RAD51B: variants seen among roughly 807,000 people sequenced by gnomAD.
RAD51B encodes the protein RAD51 paralog B.
Under a neutral mutation model 42.2 loss-of-function variants are expected in RAD51B, and 38 were observed. That is an observed-to-expected ratio of 0.90 (90% confidence interval 0.70 to 1.18). RAD51B has a LOEUF of 1.18. Ranked by LOEUF, RAD51B falls within the 50% of genes most tolerant of loss-of-function variation. The pLI is 0.00. For synonymous variants in RAD51B, 154 were observed against 145.2 expected (o/e 1.06, Z -0.43); for missense variants, 373 against 400.7 (o/e 0.93, Z 0.59).
chr14:68,666,261 C>G (rs1893031080), intron 11 of RAD51B, among the ~76,000 whole-genome samples: 2 of 152,206 alleles, frequency 1.3e-5, no homozygotes, highest in African/African-American at 4.8e-5. Flanking sequence ...ATATCTGATG[C>G]TGGCCCTAAT....
Position 68,291,995 on chromosome 14 carries a change from C to A in RAD51B, c.853+15C>A. On this transcript the variant is annotated intron_variant, in intron 8 of 10. Transcript: ENST00000471583. ...CCTGTCTGAAGGTAAGGAATCTGTC[C>A]TGGAGAGGCTGAAACTTGACACTGA... 1 of 1,593,888 alleles carries A rather than the reference C, an allele frequency of 6.3e-7. No individual in the cohort carries two copies. Among genetic ancestry groups the A allele is most frequent in the Non-Finnish European group, 8.6e-7 (1 of 1,161,796 alleles).
chr14:68,614,782 T>C (rs1171013098), downstream of RAD51B, among the ~76,000 whole-genome samples: 1 of 152,248 alleles, frequency 6.6e-6, no homozygotes, highest in Non-Finnish European at 1.5e-5. Context: ...ATTTGAGTTG[T>C]TTCCACTTTC....
intron 9 of RAD51B, among the ~76,000 whole-genome samples, chr14:68,433,853 C>T (rs886602276): frequency 6.6e-6 from 1 of 152,198 alleles, no homozygotes; most frequent in Non-Finnish European, 1.5e-5. Flanking sequence ...CTTTTCTGCT[C>T]TGTTTTTTCC....
intron 7 of RAD51B, among the ~76,000 whole-genome samples, chr14:67,952,412 T>C (rs1366798879): frequency 6.6e-6 from 1 of 152,136 alleles, no homozygotes; most frequent in Admixed American, 6.5e-5. Flanking sequence ...GAAGAAGTGA[T>C]ATTAAACCTT....
chr14:68,465,845 G>A (rs528063875), intron 9 of RAD51B, among the ~76,000 whole-genome samples: 1 of 151,988 alleles, frequency 6.6e-6, no homozygotes, highest in East Asian at 1.9e-4. Flanking sequence ...GGAGGCTGAG[G>A]CAGGAGAATG....
At chr14:68,601,399 T>G (rs1037878716) in intron 10 of RAD51B, among the ~76,000 whole-genome samples, 1 of 152,150 alleles carries the variant, frequency 6.6e-6, no homozygotes, top group African/African-American at 2.4e-5. Flanking sequence ...CGGCTATAGT[T>G]TCCATGCCTA....
At chr14:68,231,854 C>T (rs2080156405) in intron 7 of RAD51B, among the ~76,000 whole-genome samples, 1 of 152,110 alleles carries the variant, frequency 6.6e-6, no homozygotes, top group South Asian at 2.1e-4. Context: ...GACCAATAAA[C>T]AATCATCAGG....
At chr14:68,127,360 T>TA (rs2077784546) in intron 7 of RAD51B, among the ~76,000 whole-genome samples, 2 of 152,200 alleles carry the variant, frequency 1.3e-5, no homozygotes, top group South Asian at 4.1e-4. Flanking sequence ...CAACGATTTG[T>TA]TTATATAGCT....
chr14:68,401,022 T>G (rs2084089284), intron 8 of RAD51B, among the ~76,000 whole-genome samples: 1 of 152,200 alleles, frequency 6.6e-6, no homozygotes, highest in Admixed American at 6.5e-5. Context: ...TGCTTCTTTT[T>G]ATTCAGACAA....
chr14:68,310,838 C>G (rs2081955204), intron 8 of RAD51B, among the ~76,000 whole-genome samples: 1 of 152,022 alleles, frequency 6.6e-6, no homozygotes, highest in African/African-American at 2.4e-5. Flanking sequence ...GAGCAAGACT[C>G]CATCTCAAAA....
At chr14:68,138,207 C>T (rs945231737) in intron 7 of RAD51B, among the ~76,000 whole-genome samples, 2 of 151,942 alleles carry the variant, frequency 1.3e-5, no homozygotes, top group Non-Finnish European at 2.9e-5. Flanking sequence ...GATGTTGTTA[C>T]TTCATGTGGT....
chr14:67,933,682 T>C (rs1483662290), intron 7 of RAD51B, among the ~76,000 whole-genome samples: 2 of 152,218 alleles, frequency 1.3e-5, no homozygotes, highest in South Asian at 2.1e-4. Context: ...TCTCCTTCTT[T>C]GCCTCAGGTG....
intron 10 of RAD51B, among the ~76,000 whole-genome samples, chr14:68,574,874 C>G (rs1889891118): frequency 6.6e-6 from 1 of 152,102 alleles, no homozygotes; most frequent in African/African-American, 2.4e-5. Flanking sequence ...TTTTTGGTCT[C>G]CAGTAGCTAT....
At chr14:68,300,639 G>T (rs1015071472) in intron 8 of RAD51B, among the ~76,000 whole-genome samples, 2 of 152,172 alleles carry the variant, frequency 1.3e-5, no homozygotes, top group Admixed American at 1.3e-4. Context: ...GCTCCTCCTT[G>T]ATCTAATTTT....
At chr14:68,190,851 C>T (rs775364653) in intron 7 of RAD51B, among the ~76,000 whole-genome samples, 2 of 152,094 alleles carry the variant, frequency 1.3e-5, no homozygotes, top group Non-Finnish European at 2.9e-5. Context: ...AGCATTTTAT[C>T]CCATTGATTT....
At chr14:68,086,100 C>T (rs766934439) in intron 7 of RAD51B, among the ~76,000 whole-genome samples, 5 of 152,184 alleles carry the variant, frequency 3.3e-5, no homozygotes, top group African/African-American at 4.8e-5. Context: ...TTGAATCACT[C>T]GTGGGCTTGG....
At chr14:68,001,045 A>G (rs1274144100) in intron 7 of RAD51B, among the ~76,000 whole-genome samples, 1 of 152,126 alleles carries the variant, frequency 6.6e-6, no homozygotes, top group African/African-American at 2.4e-5. Context: ...GTCCTCAAAG[A>G]TCTTACAAAT....
chr14:68,048,014 G>A (rs905956772), intron 7 of RAD51B, among the ~76,000 whole-genome samples: 1 of 152,126 alleles, frequency 6.6e-6, no homozygotes, highest in East Asian at 1.9e-4. Flanking sequence ...CTTTGAAAAC[G>A]ATATGGAAAT....
In RAD51B at chr14:68,542,850, A is replaced by C. The variant is rs1308907676; in HGVS notation, c.1037-51635A>C. Among the ~76,000 whole-genome samples the C allele has an allele frequency of 2.0e-5, 3 of 152,094 alleles. No homozygotes were observed. The East Asian group carries it at 5.8e-4, about 29-fold the overall frequency. ...GACTTACAGGGTCCTTCTCTGTCCA[A>C]ACTCAGCCCATCTTTCCAGCCTCAT... On this transcript the variant is annotated intron_variant, in intron 10 of 10. Transcript: ENST00000487270.
Sources: gnomAD v4.1 joint callset for allele counts (sites outside exome capture counted in the v4.1 genomes callset) on GRCh38, gnomAD v4.1.1 for gene constraint, MANE v1.5 for transcripts, NCBI Gene and HGNC (gene_info 2026-07-23, HGNC 2026-07-21) for gene names.